EIF2B5: variants seen among roughly 807,000 people sequenced by gnomAD.
EIF2B5 encodes the protein translation initiation factor eIF2B subunit epsilon.
A neutral mutation model predicts 87.3 loss-of-function variants in EIF2B5; 38 were observed. The observed-to-expected ratio is 0.44, with a 90% CI of 0.34 to 0.57. EIF2B5 has a LOEUF of 0.57. Among genes scored for constraint, EIF2B5 ranks in the 20% least tolerant of loss-of-function variants. The probability of loss-of-function intolerance (pLI) is 0.02; values close to 1 mark genes in which losing one functional copy is unlikely to be tolerated. For synonymous variants in EIF2B5, 313 were observed against 339.6 expected (o/e 0.92, Z 0.86); for missense variants, 784 against 909.5 (o/e 0.86, Z 1.78).
rs1458623354 is a variant in EIF2B5, at chr3:184,142,552, G to A, written c.1495G>A (p.Ala499Thr). 3 of 1,614,200 alleles carry A rather than the reference G, an allele frequency of 1.9e-6. No individual in the cohort carries two copies. Among genetic ancestry groups the A allele is most frequent in the African/African-American group, 1.3e-5 (1 of 75,050 alleles). ...TGCTGGCAAGGGCTACCTCTGGAAA[G>A]CTGCAGGCATGAACATGGAGGAAGA... ...GAAGKGYLWKAAGMNMEEEEE... is the reference protein window; with the variant it reads ...GAAGKGYLWKTAGMNMEEEEE... Residue 499 changes from alanine (A) to threonine (T), a missense_variant, in exon 10 of 16, where the codon GCT becomes ACT. Coordinates refer to ENST00000648915, the MANE Select transcript of EIF2B5 (RefSeq NM_003907.3). This position sits in a 1 kb window ranked among gnomAD's most constrained non-coding sequence, Gnocchi z 5.0.
intron 5 of EIF2B5, 51 bp downstream of exon 5, chr3:184,138,297 G>A: frequency 6.7e-7 from 1 of 1,484,596 alleles, no homozygotes; most frequent in South Asian, 1.1e-5. Context: ...AACTCTGTGG[G>A]TCTGTTATTG....
Position 184,144,996 on chromosome 3 carries a change from G to T in EIF2B5, c.*53G>T, listed in dbSNP as rs1713806883. ...GATTGAGTGCCCTCCTGGCTCCTGG[G>T]CTGGGACAAGTGAGGAACTAGCTGC... On this transcript the variant is annotated 3_prime_UTR_variant, in exon 16 of 16. Coordinates refer to ENST00000648915, the MANE Select transcript of EIF2B5 (RefSeq NM_003907.3). 2 of 1,565,406 alleles carry T rather than the reference G, an allele frequency of 1.3e-6. No homozygotes were observed. The highest frequency in any genetic ancestry group is 1.3e-5 in the African/African-American group (1 of 74,108).
At chr3:184,137,523 G>T in intron 2 of EIF2B5, 97 bp from the exon 3 acceptor site, 1 of 1,277,076 alleles carries the variant, frequency 7.8e-7, no homozygotes, top group Non-Finnish European at 1.1e-6. Flanking sequence ...AAGCCATCGA[G>T]AAGGACTGTG....
At chr3:184,143,207 T>C in intron 12 of EIF2B5, 65 bp downstream of exon 12, 1 of 1,566,384 alleles carries the variant, frequency 6.4e-7, no homozygotes, top group Non-Finnish European at 8.7e-7. Flanking sequence ...TTCTCGTAAG[T>C]GTTTTGTCTC....
rs1295815292 is a variant in EIF2B5 at position 184,139,983 on chromosome 3, A to G, written c.766-97A>G. The G allele has an allele frequency of 6.4e-6, 6 of 939,870 alleles. No homozygotes were observed. The East Asian group carries it at 8.5e-5, about 13-fold the overall frequency. 58.2% of individuals were successfully genotyped at this position (939,870 alleles called of 1,614,324 possible). On this transcript the variant is annotated intron_variant, in intron 5 of 15. Coordinates refer to ENST00000648915, the MANE Select transcript of EIF2B5 (RefSeq NM_003907.3). ...GGTTGCAGTGAGCCGAGATCATGCA[A>G]CTGCACTCCAGCCTGGGCAACAGAG... is the stretch of plus-strand genomic sequence containing the variant.
In EIF2B5 at chr3:184,142,788, T is replaced by A. The variant is rs779139887; in HGVS notation, c.1556T>A (p.Ile519Asn). ...ELQQNLWGLKINMEEESESES... is the reference protein window; with the variant it reads ...ELQQNLWGLKNNMEEESESES... The stretch of plus-strand genomic sequence containing the variant: ...CATTATGGCTTCTCAGGACTCAAGA[T>A]CAACATGGAAGAAGAGAGTGAAAGT... The change falls in exon 11 of 16, where the codon ATC becomes AAC. Residue 519 changes from isoleucine to asparagine, a missense_variant. By Grantham distance (149) the Ile-to-Asn change is moderately radical. Coordinates refer to ENST00000648915, the MANE Select transcript of EIF2B5 (RefSeq NM_003907.3). This position sits in a 1 kb window ranked among gnomAD's most constrained non-coding sequence, Gnocchi z 5.0. The A allele has an allele frequency of 1.2e-6, 2 of 1,613,872 alleles. No homozygotes were observed. Among genetic ancestry groups the A allele is most frequent in the Non-Finnish European group, 1.7e-6 (2 of 1,179,946 alleles).
At position 184,135,429 on chromosome 3, in the gene EIF2B5, G is replaced by C; in HGVS notation, c.44G>C (p.Arg15Pro). ...VVAPPGVVVSRANKRSGAGPG... is the reference protein window; with the variant it reads ...VVAPPGVVVSPANKRSGAGPG... ...GCGCCGCCTGGTGTGGTGGTTAGTCGGGCTAACAAGCGCAGCGGCGCGGGG... is the reference window on the plus strand; with the variant it reads ...GCGCCGCCTGGTGTGGTGGTTAGTCCGGCTAACAAGCGCAGCGGCGCGGGG... The change falls in exon 1 of 16, where the codon CGG becomes CCG. Residue 15 changes from arginine (R) to proline (P), a missense_variant. Arg to Pro is a moderately radical substitution (Grantham distance 103). Coordinates refer to ENST00000648915, the MANE Select transcript of EIF2B5 (RefSeq NM_003907.3). The C allele has an allele frequency of 6.3e-7, 1 of 1,582,654 alleles. No homozygotes were observed. The highest frequency in any genetic ancestry group is 8.6e-7 in the Non-Finnish European group (1 of 1,165,780).
In EIF2B5 at chr3:184,138,054, C is replaced by CCGG. The variant is rs1302316744; in HGVS notation, c.666_668dup (p.Arg223dup). The CCGG allele has an allele frequency of 6.8e-6, 11 of 1,614,032 alleles. No individual in the cohort carries two copies. The highest frequency in any genetic ancestry group is 5.3e-5 in the African/African-American group (4 of 74,924). ...TCCATTTTCAGAAGACCCAGGGTCT[C>CCGG]CGGCGTTTTGCATTTCCTCTGGTGT... On this transcript the variant is annotated inframe_insertion, in exon 4 of 16. Coordinates refer to ENST00000648915, the MANE Select transcript of EIF2B5 (RefSeq NM_003907.3).
intron 5 of EIF2B5, among the ~76,000 whole-genome samples, chr3:184,139,606 T>G (rs1713531059): frequency 6.6e-6 from 1 of 151,096 alleles, no homozygotes; most frequent in African/African-American, 2.4e-5. Flanking sequence ...GAATCTATTG[T>G]AAAGCAAAGA....
chr3:184,142,604 G>A lies in EIF2B5; in HGVS notation c.1546+1G>A. ...GAGGAACTGCAGCAGAATCTGTGGG[G>A]TGAGCTAGGCCTGATGCCTGCCCTT... On this transcript the variant is annotated splice_donor_variant, in intron 10 of 15. Transcript: ENST00000648915. LOFTEE classifies it high-confidence loss of function. This position sits in a 1 kb window ranked among gnomAD's most constrained non-coding sequence, Gnocchi z 5.0. The A allele has an allele frequency of 6.2e-7, 1 of 1,613,164 alleles. No homozygotes were observed. The highest frequency in any genetic ancestry group is 8.5e-7 in the Non-Finnish European group (1 of 1,179,510).
chr3:184,145,239 T>C lies in EIF2B5; in HGVS notation c.*296T>C, dbSNP rs1411113844. On this transcript the variant is annotated 3_prime_UTR_variant, in exon 16 of 16. Coordinates refer to ENST00000648915, the MANE Select transcript of EIF2B5 (RefSeq NM_003907.3). The surrounding 1 kb of genome is among the most constrained non-coding windows in gnomAD (Gnocchi z 4.0). The stretch of plus-strand genomic sequence containing the variant: ...AACAGCTTTGTGCTCCGGCTTTCCC[T>C]CAGGGAACAGCAGAGAGCAGTTGGC... 5 of 511,308 alleles carry C rather than the reference T, an allele frequency of 9.8e-6. No homozygotes were observed. The highest frequency in any genetic ancestry group is 1.8e-5 in the Non-Finnish European group (5 of 280,656). 31.7% of individuals were successfully genotyped at this position (511,308 alleles called of 1,614,324 possible).
In EIF2B5 at chr3:184,144,555, CT is replaced by C. The variant is rs1275400407; in HGVS notation, c.1996-39del. ...GGGCCTGGTAGAGTATCCTGCTGGA[CT>C]TTCCAAGGCCCCTGAGGTCCCCTTT... On this transcript the variant is annotated intron_variant, in intron 14 of 15. Coordinates refer to ENST00000648915, the MANE Select transcript of EIF2B5 (RefSeq NM_003907.3). 2.5e-6 allele frequency: 4 copies of C among 1,578,088 alleles called. No individual in the cohort carries two copies. The Admixed American group carries it at 6.7e-5, about 26-fold the overall frequency.
chr3:184,144,411 G>C (rs1224112336), intron 14 of EIF2B5, among the ~76,000 whole-genome samples, 186 bp from the exon 15 acceptor site: 1 of 152,182 alleles, frequency 6.6e-6, no homozygotes, highest in Non-Finnish European at 1.5e-5. Flanking sequence ...GGGTGGTCTG[G>C]AAATGTGCAA....
At chr3:184,136,352 T>C (rs1713358390) in intron 1 of EIF2B5, among the ~76,000 whole-genome samples, 2 of 152,232 alleles carry the variant, frequency 1.3e-5, no homozygotes, top group South Asian at 4.1e-4. Context: ...TTGCCAGCAG[T>C]GAACTGCCAT....
At chr3:184,136,048 CA>C (rs1229652111) in intron 1 of EIF2B5, 2 of 222,618 alleles carry the variant, frequency 9.0e-6, no homozygotes, top group Non-Finnish European at 1.8e-5. Context: ...GTCGAAAGGA[CA>C]AAATGGGTTT....
At chr3:184,137,573 A>G (rs1285962166) in intron 2 of EIF2B5, 47 bp from the exon 3 acceptor site, 9 of 1,593,930 alleles carry the variant, frequency 5.6e-6, no homozygotes. Flanking sequence ...GGCTCAAATG[A>G]TCTTTATGCT....
chr3:184,136,668 T>G lies in EIF2B5; in HGVS notation c.252T>G (p.Thr84=), dbSNP rs1171091207. ...TTGACTACACTCTGGAATTCCTGAC[T>G]GCCACAGGTGTACAGGAAACATTTG... ...ALIDYTLEFL[T]ATGVQETFVF... is the part of the protein sequence containing the mutation. The change falls in exon 2 of 16, where the codon ACT becomes ACG. Residue 84 remains threonine (T), a synonymous_variant. Transcript: ENST00000648915. 1 of 1,614,210 alleles carries G rather than the reference T, an allele frequency of 6.2e-7. No individual in the cohort carries two copies. The highest frequency in any genetic ancestry group is 1.7e-5 in the Admixed American group (1 of 60,026).
At position 184,138,087 on chromosome 3, in the gene EIF2B5, T is replaced by A. The variant is rs758917971; in HGVS notation, c.684+12T>A. On this transcript the variant is annotated intron_variant, in intron 4 of 15. Coordinates refer to ENST00000648915, the MANE Select transcript of EIF2B5 (RefSeq NM_003907.3). ...TTGCATTTCCTCTGGTGTGTGGATA[T>A]CTGGGGTCCTTTGAGATGGGGAAGT... 45 of 1,614,068 alleles carry A rather than the reference T, an allele frequency of 2.8e-5. No homozygotes were observed. The highest frequency in any genetic ancestry group is 1.2e-5 in the Non-Finnish European group (14 of 1,180,054).
chr3:184,137,834 G>T, intron 3 of EIF2B5, 29 bp downstream of exon 3: 1 of 1,614,164 alleles, frequency 6.2e-7, no homozygotes, highest in South Asian at 1.1e-5. Flanking sequence ...CAGGAACAAG[G>T]GTTAAAGACC....
Sources: allele counts gnomAD v4.1 joint callset (sites outside exome capture counted in the v4.1 genomes callset), GRCh38; gene constraint gnomAD v4.1.1; non-coding constraint Gnocchi (gnomAD v3.1); transcripts MANE v1.5; gene names NCBI Gene and HGNC (gene_info 2026-07-23, HGNC 2026-07-21).